PTPRF: variants seen among roughly 807,000 people sequenced by gnomAD.
PTPRF encodes receptor-type tyrosine-protein phosphatase F.
Under a neutral mutation model 201.8 loss-of-function variants are expected in PTPRF, and 59 were observed. The observed-to-expected ratio is 0.29, with a 90% confidence interval of 0.24 to 0.36. PTPRF has a LOEUF of 0.36. Ranked by LOEUF, PTPRF falls within the 10% of genes least tolerant of loss-of-function variation. The pLI, the probability that PTPRF is intolerant of heterozygous loss-of-function variation, is 1.00. For synonymous variants in PTPRF, 1,088 were observed against 1,089.7 expected (o/e 1.00, Z 0.03); for missense variants, 2,132 against 2,690.5 (o/e 0.79, Z 4.59).
At chr1:43,533,533 T>TA (rs1643818137) in intron 1 of PTPRF, among the ~76,000 whole-genome samples, 1 of 152,096 alleles carries the variant, frequency 6.6e-6, no homozygotes, top group Non-Finnish European at 1.5e-5. Flanking sequence ...GGGGTTGTGA[T>TA]ACACACCACG....
At chr1:43,591,674 G>T in intron 9 of PTPRF, 121 bp downstream of exon 9, 1 of 1,435,332 alleles carries the variant, frequency 7.0e-7, no homozygotes, top group South Asian at 1.4e-5. Flanking sequence ...TCAAGGTGCC[G>T]TATTCCATAG....
chr1:43,532,747 A>T (rs2153949375), intron 1 of PTPRF: 1 of 154,474 alleles, frequency 6.5e-6, no homozygotes, highest in African/African-American at 2.4e-5. Flanking sequence ...GATTATATGA[A>T]TGAGCCTAGG....
chr1:43,620,100 A>G lies in PTPRF; in HGVS notation c.5117A>G (p.Gln1706Arg), dbSNP rs1287074551. ...NASFLDGYRQ[Q>R]KAYIATQGPL... ...CAGTCTTATGTCCACCCCAGACAGCAGAAGGCCTACATAGCTACACAGGGG... is the reference window on the plus strand; with the variant it reads ...CAGTCTTATGTCCACCCCAGACAGCGGAAGGCCTACATAGCTACACAGGGG... Residue 1706 changes from glutamine to arginine, a missense_variant, in exon 30 of 34, where the codon CAG becomes CGG. Around this residue, in one of 6 missense-constraint regions of PTPRF, gnomAD observed 519 missense variants for 659.5 expected, o/e 0.79. Coordinates refer to ENST00000359947, the MANE Select transcript of PTPRF (RefSeq NM_002840.5). The G allele has an allele frequency of 3.7e-6, 6 of 1,613,938 alleles. No individual in the cohort carries two copies. The Admixed American group carries it at 6.7e-5, about 18-fold the overall frequency.
upstream of PTPRF, among the ~76,000 whole-genome samples, chr1:43,524,316 C>G (rs976238699): frequency 2.6e-4 from 39 of 152,026 alleles, no homozygotes; most frequent in African/African-American, 9.4e-4. Context: ...TATAATTCGT[C>G]CATTAAAAAT....
chr1:43,587,699 T>C (rs1013462145), intron 7 of PTPRF, among the ~76,000 whole-genome samples: 4 of 152,208 alleles, frequency 2.6e-5, no homozygotes, highest in African/African-American at 7.2e-5. Flanking sequence ...GCCTGCCGCC[T>C]TTGGCCCTGC....
At chr1:43,621,835 G>T in intron 33 of PTPRF, 100 bp from the exon 34 acceptor site, 1 of 1,240,334 alleles carries the variant, frequency 8.1e-7, no homozygotes, top group Non-Finnish European at 1.2e-6. Context: ...CCTGCTCTTG[G>T]CCAGCAGAGG....
At chr1:43,567,205 G>A (rs1025608127) in intron 5 of PTPRF, among the ~76,000 whole-genome samples, 14 of 152,048 alleles carry the variant, frequency 9.2e-5, no homozygotes, top group African/African-American at 2.9e-4. Context: ...TAGCAGCCCC[G>A]AGTGTCCCCA....
intron 23 of PTPRF, among the ~76,000 whole-genome samples, chr1:43,616,122 AGTGACGCGGTCCT>A (rs1297891828): frequency 6.6e-6 from 1 of 151,798 alleles, no homozygotes; most frequent in Non-Finnish European, 1.5e-5. Context: ...TCACGGAAGC[AGTGACGCGGTCCT>A]GTGGAGAGTA....
intron 7 of PTPRF, among the ~76,000 whole-genome samples, chr1:43,582,105 G>A (rs1021522846): frequency 1.3e-5 from 2 of 152,142 alleles, no homozygotes. Context: ...ACTTGGCTTC[G>A]GTGTCTACCT....
chr1:43,536,852 G>A (rs1424061028), intron 1 of PTPRF, among the ~76,000 whole-genome samples: 1 of 152,208 alleles, frequency 6.6e-6, no homozygotes, highest in Admixed American at 6.5e-5. Context: ...GCCATCTTGG[G>A]TCAGTTGGGA....
chr1:43,591,594 A>AG (rs780104202), intron 9 of PTPRF, 41 bp downstream of exon 9: 50 of 1,513,830 alleles, frequency 3.3e-5, no homozygotes, highest in African/African-American at 4.1e-5. Flanking sequence ...ACAGCAGAGA[A>AG]GGGGAGGCTG....
intron 6 of PTPRF, among the ~76,000 whole-genome samples, chr1:43,572,544 G>A (rs1385302260): frequency 6.6e-6 from 1 of 152,168 alleles, no homozygotes. Flanking sequence ...GGGACCGTTG[G>A]CCTCAGTTGT....
upstream of PTPRF, among the ~76,000 whole-genome samples, chr1:43,523,810 G>A (rs1223389412): frequency 3.9e-5 from 6 of 152,106 alleles, no homozygotes; most frequent in African/African-American, 1.4e-4. Context: ...AACTTTGGGA[G>A]GCCAAGGCGG....
At chr1:43,563,867 G>A (rs2153982828) in intron 5 of PTPRF, among the ~76,000 whole-genome samples, 1 of 152,242 alleles carries the variant, frequency 6.6e-6, no homozygotes, top group South Asian at 2.1e-4. Flanking sequence ...CCCGAGTCTG[G>A]AACTCCAGTG....
intron 5 of PTPRF, among the ~76,000 whole-genome samples, chr1:43,566,071 A>G (rs1171517294): frequency 2.6e-5 from 4 of 152,178 alleles, no homozygotes; most frequent in Non-Finnish European, 5.9e-5. Flanking sequence ...GCTTTGCGGT[A>G]GATGCAAACG....
intron 3 of PTPRF, among the ~76,000 whole-genome samples, chr1:43,548,439 G>A (rs1053786871): frequency 1.3e-5 from 2 of 152,032 alleles, no homozygotes; most frequent in African/African-American, 4.8e-5. Context: ...AGGGTCTGTT[G>A]TCTGTCGTCA....
chr1:43,580,899 G>A (rs956328526), intron 7 of PTPRF, among the ~76,000 whole-genome samples: 2 of 152,262 alleles, frequency 1.3e-5, no homozygotes, highest in Non-Finnish European at 2.9e-5. Flanking sequence ...TGGCCTATGG[G>A]CACATTTCCC....
chr1:43,578,000 C>T (rs1320026912), intron 6 of PTPRF, among the ~76,000 whole-genome samples: 5 of 152,196 alleles, frequency 3.3e-5, no homozygotes, highest in Admixed American at 1.3e-4. Context: ...TGGCCTCCCC[C>T]GCCAGGACCT....
intron 23 of PTPRF, among the ~76,000 whole-genome samples, chr1:43,615,308 C>T (rs1358538241): frequency 2.0e-5 from 3 of 152,192 alleles, no homozygotes; most frequent in Admixed American, 2.0e-4. Flanking sequence ...TCCCTGCCTC[C>T]CATGGCCTCC....
Sources: gnomAD v4.1 joint callset for allele counts (sites outside exome capture counted in the v4.1 genomes callset) on GRCh38, gnomAD v4.1.1 for gene constraint, gnomAD v4.1.1 regional missense constraint, MANE v1.5 for transcripts, NCBI Gene and HGNC (gene_info 2026-07-23, HGNC 2026-07-21) for gene names.